SORD: variants seen among roughly 807,000 people sequenced by gnomAD.
SORD encodes sorbitol dehydrogenase, also known as (R,R)-butanediol dehydrogenase.
Under a neutral mutation model 35.6 loss-of-function variants are expected in SORD, and 18 were observed. That is an observed-to-expected ratio of 0.51 (90% CI 0.35 to 0.75). SORD has a LOEUF of 0.75. Ranked by LOEUF, SORD falls within the 30% of genes least tolerant of loss-of-function variation. SORD has a pLI of 0.01. For missense variants in SORD, 250 were observed against 390.2 expected, an observed-to-expected ratio of 0.64 and a Z score of 3.03; for synonymous variants, 106 against 152.9, an observed-to-expected ratio of 0.69 and a Z score of 2.26.
intron 1 of SORD, among the ~76,000 whole-genome samples, 178 bp downstream of exon 1, chr15:45,023,527 CGAAGGG>C: frequency 6.6e-6 from 1 of 152,362 alleles, no homozygotes; most frequent in East Asian, 1.9e-4. Flanking sequence ...GTGGCTGTTG[CGAAGGG>C]CAGGGATCTA....
At chr15:45,034,563 C>T (rs985808757) in intron 1 of SORD, among the ~76,000 whole-genome samples, 2 of 152,240 alleles carry the variant, frequency 1.3e-5, no homozygotes, top group African/African-American at 4.8e-5. Context: ...GATTCCATGT[C>T]CCCGCAGAGA....
chr15:45,024,844 C>A (rs1892644480), intron 1 of SORD, among the ~76,000 whole-genome samples: 1 of 152,220 alleles, frequency 6.6e-6, no homozygotes, highest in African/African-American at 2.4e-5. Context: ...ACAATTATGA[C>A]AGAGCCCGAG....
At chr15:45,045,869 T>G (rs1385536023) in intron 3 of SORD, among the ~76,000 whole-genome samples, 4 of 151,966 alleles carry the variant, frequency 2.6e-5, no homozygotes, top group Non-Finnish European at 5.9e-5. Flanking sequence ...GGTGTGGTAG[T>G]GTGCACCTGC....
intron 7 of SORD, among the ~76,000 whole-genome samples, chr15:45,069,324 A>G (rs1378978333): frequency 1.4e-5 from 2 of 145,054 alleles, no homozygotes; most frequent in African/African-American, 5.1e-5. Flanking sequence ...TTCCTGCCTC[A>G]GCGTCCCGAG....
At chr15:45,068,564 G>C (rs1893448963) in intron 6 of SORD, among the ~76,000 whole-genome samples, 1 of 151,512 alleles carries the variant, frequency 6.6e-6, no homozygotes, top group African/African-American at 2.4e-5. Context: ...GAATGGTCTT[G>C]GGCCCCACAT....
At chr15:45,038,139 CCTTCCTTCCTTCCTT>C (rs1892901766) in intron 1 of SORD, among the ~76,000 whole-genome samples, 1 of 75,962 alleles carries the variant, frequency 1.3e-5, no homozygotes, top group African/African-American at 1.3e-4. Flanking sequence ...TTCCTTCCTT[CCTTCCTTCCTTCCTT>C]CCTTCCTTCC....
chr15:45,061,260 A>T (rs750241373), intron 4 of SORD, 34 bp downstream of exon 4: 1 of 1,604,266 alleles, frequency 6.2e-7, no homozygotes, highest in Non-Finnish European at 8.5e-7. Context: ...GTCACCTGGG[A>T]CCTCTTTCCC....
At chr15:45,043,914 T>C (rs553100484) in intron 3 of SORD, among the ~76,000 whole-genome samples, 87 of 152,324 alleles carry the variant, frequency 5.7e-4, no homozygotes, top group South Asian at 3.9e-3. Flanking sequence ...GGCTGTGTTG[T>C]TCCCTGATAC....
intron 1 of SORD, among the ~76,000 whole-genome samples, chr15:45,036,664 T>A (rs751277613): frequency 5.9e-5 from 9 of 152,188 alleles, no homozygotes; most frequent in Non-Finnish European, 1.0e-4. Context: ...ATCGTGCCAC[T>A]GCACTGTAGC....
At chr15:45,056,186 G>A (rs1414648353) in intron 3 of SORD, among the ~76,000 whole-genome samples, 3 of 151,982 alleles carry the variant, frequency 2.0e-5, no homozygotes, top group African/African-American at 7.3e-5. Context: ...GTTAGGAAAA[G>A]AGGAAGTCAA....
At chr15:45,039,079 C>T (rs1387519323) in intron 1 of SORD, among the ~76,000 whole-genome samples, 4 of 152,042 alleles carry the variant, frequency 2.6e-5, no homozygotes, top group African/African-American at 7.2e-5. Context: ...GGATAGAGTC[C>T]ACCCCACTGT....
intron 1 of SORD, among the ~76,000 whole-genome samples, chr15:45,024,215 G>GATGAGT (rs1460445325): frequency 6.6e-6 from 1 of 152,118 alleles, no homozygotes; most frequent in Non-Finnish European, 1.5e-5. Context: ...GGGTATGTGG[G>GATGAGT]ATGAGTGCCA....
intron 5 of SORD, among the ~76,000 whole-genome samples, chr15:45,066,927 A>AAC (rs376758291): frequency 2.6e-5 from 4 of 152,114 alleles, no homozygotes; most frequent in South Asian, 2.1e-4. Context: ...CCTTGCCCCC[A>AAC]ACACACACAC....
intron 3 of SORD, among the ~76,000 whole-genome samples, chr15:45,056,124 TG>T (rs1431075153): frequency 4.9e-4 from 73 of 149,560 alleles, no homozygotes; most frequent in African/African-American, 1.8e-3. Context: ...AACATAGTGT[TG>T]GAAGTTCTGG....
intron 3 of SORD, among the ~76,000 whole-genome samples, chr15:45,044,051 G>A (rs887921840): frequency 3.9e-5 from 6 of 152,256 alleles, no homozygotes; most frequent in African/African-American, 1.4e-4. Context: ...GTTGACAGGA[G>A]GCCCCATCCT....
chr15:45,036,413 C>T (rs1595496987), intron 1 of SORD: 1 of 453,364 alleles, frequency 2.2e-6, no homozygotes, highest in South Asian at 1.6e-5. Context: ...GAAATTCGGC[C>T]AGGCACAGTG....
chr15:45,065,695 G>A (rs1893393435), intron 5 of SORD, among the ~76,000 whole-genome samples: 1 of 152,190 alleles, frequency 6.6e-6, no homozygotes, highest in Non-Finnish European at 1.5e-5. Flanking sequence ...CAAAGCCGGT[G>A]GATCACCTGA....
rs752540495 is a variant in SORD at position 45,069,194 on chromosome 15, C to CTT, written c.786+171_786+172dup. The CTT allele has an allele frequency of 2.2e-3, 256 of 116,944 alleles. 13 individuals carry two copies. The highest frequency in any genetic ancestry group is 3.6e-3 in the African/African-American group (113 of 31,830). 7.2% of individuals were successfully genotyped at this position (116,944 alleles called of 1,614,324 possible). On this transcript the variant is annotated intron_variant, in intron 7 of 8. Coordinates refer to ENST00000267814, the MANE Select transcript of SORD (RefSeq NM_003104.6). ...CTTTTGCCATCTATGTTTTCTTTTT[C>CTT]TTTTTTTTTTTTTTTTTTTTTTTTT...
chr15:45,052,456 C>G (rs1205863125), intron 3 of SORD, among the ~76,000 whole-genome samples: 3 of 152,150 alleles, frequency 2.0e-5, no homozygotes, highest in Non-Finnish European at 4.4e-5. Flanking sequence ...AATTGGGGAA[C>G]TAGAGGCCTT....
Sources: gnomAD v4.1 joint callset for allele counts (sites outside exome capture counted in the v4.1 genomes callset) on GRCh38, gnomAD v4.1.1 for gene constraint, MANE v1.5 for transcripts, NCBI Gene and HGNC (gene_info 2026-07-23, HGNC 2026-07-21) for gene names.